Variants in PRELID2 observed in about 807,000 individuals in gnomAD.
PRELID2 encodes PRELI domain containing 2.
PRELID2 carries 25 observed loss-of-function variants against 28.4 expected under a neutral mutation model. The observed-to-expected ratio is 0.88, with a 90% CI of 0.64 to 1.23. The LOEUF (loss-of-function observed/expected upper bound fraction) is 1.23, where lower values mean the gene tolerates loss of function less well. Ranked by LOEUF, PRELID2 falls within the 50% of genes most tolerant of loss-of-function variation. The probability of loss-of-function intolerance (pLI) is 0.00; values close to 1 mark genes in which losing one functional copy is unlikely to be tolerated. For missense variants in PRELID2, 201 were observed against 214.4 expected (o/e 0.94, Z 0.39); for synonymous variants, 76 against 71.6 (o/e 1.06, Z -0.31).
At chr5:145,365,405 C>T in the PRELID2 span, among the ~76,000 whole-genome samples, 1 of 150,624 alleles carries the variant, frequency 6.6e-6, no homozygotes, top group Non-Finnish European at 1.5e-5. Context: ...ATGAATATTG[C>T]TTGTCAATTA....
At chr5:145,458,140 A>C in the PRELID2 span, among the ~76,000 whole-genome samples, 1 of 152,208 alleles carries the variant, frequency 6.6e-6, no homozygotes, top group East Asian at 1.9e-4. Context: ...ATACTTTGCT[A>C]CTTTGAAAAT....
At chr5:145,566,904 G>A (rs1752972048) in intron 1 of PRELID2, among the ~76,000 whole-genome samples, 1 of 151,276 alleles carries the variant, frequency 6.6e-6, no homozygotes, top group Admixed American at 6.6e-5. Flanking sequence ...ATATCTCTGA[G>A]GGGTGAAAGT....
intron 1 of PRELID2, among the ~76,000 whole-genome samples, chr5:145,751,231 A>G (rs1327028183): frequency 6.6e-6 from 1 of 152,208 alleles, no homozygotes; most frequent in Non-Finnish European, 1.5e-5. Flanking sequence ...AGTATTCAAA[A>G]TAACCCATGA....
intron 1 of PRELID2, among the ~76,000 whole-genome samples, chr5:145,620,818 C>T (rs1346601978): frequency 6.6e-6 from 1 of 151,868 alleles, no homozygotes; most frequent in African/African-American, 2.4e-5. Flanking sequence ...GAGTAAGACC[C>T]TGTTACACAC....
chr5:145,344,470 CT>C, the PRELID2 span, among the ~76,000 whole-genome samples: 1 of 152,022 alleles, frequency 6.6e-6, no homozygotes, highest in Non-Finnish European at 1.5e-5. Flanking sequence ...AATAAGTCTC[CT>C]GTTTTGGAAC....
At chr5:145,493,842 T>C (rs1752288004) in intron 1 of PRELID2, among the ~76,000 whole-genome samples, 1 of 152,210 alleles carries the variant, frequency 6.6e-6, no homozygotes, top group South Asian at 2.1e-4. Context: ...TATTTCTGCT[T>C]TTGTATTCCC....
intron 1 of PRELID2, among the ~76,000 whole-genome samples, chr5:145,528,487 CGAGA>C (rs1012250625): frequency 6.6e-6 from 1 of 151,628 alleles, no homozygotes; most frequent in African/African-American, 2.4e-5. Context: ...CATCAGCTCA[CGAGA>C]GAGAGAGAGC....
chr5:145,614,980 C>G (rs755879771), intron 1 of PRELID2, among the ~76,000 whole-genome samples: 1 of 152,108 alleles, frequency 6.6e-6, no homozygotes, highest in Non-Finnish European at 1.5e-5. Context: ...GTCTTGATGA[C>G]CTGTCTAGTG....
At chr5:145,328,135 T>C in the PRELID2 span, among the ~76,000 whole-genome samples, 2 of 152,206 alleles carry the variant, frequency 1.3e-5, no homozygotes, top group Non-Finnish European at 2.9e-5. Context: ...TATGGCAGCA[T>C]AGTATTCCAT....
At chr5:145,811,400 T>C (rs1753930369) in intron 4 of PRELID2, among the ~76,000 whole-genome samples, 1 of 152,110 alleles carries the variant, frequency 6.6e-6, no homozygotes, top group African/African-American at 2.4e-5. Flanking sequence ...GCGATCCCCC[T>C]ACCTCAGCCT....
At chr5:145,405,728 T>C in the PRELID2 span, among the ~76,000 whole-genome samples, 1 of 128,770 alleles carries the variant, frequency 7.8e-6, no homozygotes, top group East Asian at 2.3e-4. Flanking sequence ...TTTTTTTTGG[T>C]GTAGTCTTCC....
intron 1 of PRELID2, among the ~76,000 whole-genome samples, chr5:145,648,888 C>A (rs762197093): frequency 6.6e-6 from 1 of 151,404 alleles, no homozygotes; most frequent in South Asian, 2.1e-4. Flanking sequence ...TACAGATAGT[C>A]CCCAACTTAA....
chr5:145,241,603 A>G, the PRELID2 span, among the ~76,000 whole-genome samples: 1 of 151,990 alleles, frequency 6.6e-6, no homozygotes, highest in Non-Finnish European at 1.5e-5. Context: ...AGAGGCGTAA[A>G]AAGTTCAGGA....
intron 1 of PRELID2, among the ~76,000 whole-genome samples, chr5:145,537,127 A>G (rs1320396301): frequency 6.6e-6 from 1 of 151,938 alleles, no homozygotes; most frequent in Admixed American, 6.6e-5. Flanking sequence ...AAGGGCATAC[A>G]TATGATTTTG....
chr5:145,463,740 C>T, the PRELID2 span, among the ~76,000 whole-genome samples: 1 of 152,102 alleles, frequency 6.6e-6, no homozygotes, highest in Non-Finnish European at 1.5e-5. Context: ...GGCTCTACAT[C>T]TTAGCAGTAA....
chr5:145,778,138 C>G (rs1441300424), intron 5 of PRELID2, among the ~76,000 whole-genome samples: 1 of 152,180 alleles, frequency 6.6e-6, no homozygotes, highest in Non-Finnish European at 1.5e-5. Flanking sequence ...CTCTGAGGCC[C>G]ATAAAAGACC....
intron 1 of PRELID2, among the ~76,000 whole-genome samples, chr5:145,508,657 T>C (rs981691028): frequency 2.0e-5 from 3 of 152,192 alleles, no homozygotes; most frequent in African/African-American, 7.2e-5. Context: ...CTTCTCCTCT[T>C]GCTCATGGTC....
intron 1 of PRELID2, among the ~76,000 whole-genome samples, chr5:145,619,954 A>C (rs1353279056): frequency 2.0e-5 from 3 of 152,230 alleles, no homozygotes; most frequent in Admixed American, 2.0e-4. Context: ...AAACAGTCTG[A>C]AAATTTCAAG....
chr5:145,809,035 G>GA (rs1561633964), intron 4 of PRELID2, among the ~76,000 whole-genome samples: 1 of 128,644 alleles, frequency 7.8e-6, no homozygotes, highest in South Asian at 2.5e-4. Flanking sequence ...CTTTTTTTTT[G>GA]CTTTTTTTTT....
Sources: gnomAD v4.1 joint callset for allele counts (sites outside exome capture counted in the v4.1 genomes callset) on GRCh38, gnomAD v4.1.1 for gene constraint, MANE v1.5 for transcripts, NCBI Gene and HGNC (gene_info 2026-07-23, HGNC 2026-07-21) for gene names.